The following C1orf21 variants were observed in gnomAD, a reference collection of about 807,000 sequenced individuals.
C1orf21 encodes uncharacterized protein C1orf21.
C1orf21 carries 3 observed loss-of-function variants against 18.7 expected under a neutral mutation model. That is an observed-to-expected ratio of 0.16 (90% confidence interval 0.07 to 0.42). C1orf21 has a LOEUF of 0.42. Among genes scored for constraint, C1orf21 ranks in the 10% least tolerant of loss-of-function variants. The probability of loss-of-function intolerance (pLI) is 0.99; values close to 1 mark genes in which losing one functional copy is unlikely to be tolerated. For synonymous variants in C1orf21, 41 were observed against 46.4 expected (o/e 0.88, Z 0.47); for missense variants, 104 against 143.6 (o/e 0.72, Z 1.41).
intron 3 of C1orf21, among the ~76,000 whole-genome samples, chr1:184,515,179 G>C (rs1362856482): frequency 6.6e-6 from 1 of 152,166 alleles, no homozygotes; most frequent in East Asian, 1.9e-4. Context: ...TAGTGGAGTT[G>C]GGTCAGGTGG....
chr1:184,427,923 G>A (rs1417252226), intron 1 of C1orf21, among the ~76,000 whole-genome samples: 2 of 152,102 alleles, frequency 1.3e-5, no homozygotes, highest in African/African-American at 4.8e-5. Context: ...ACTTAGGTAA[G>A]GGCCTTATGT....
At chr1:184,599,937 C>T (rs959155407) in intron 5 of C1orf21, among the ~76,000 whole-genome samples, 7 of 152,094 alleles carry the variant, frequency 4.6e-5, no homozygotes, top group Admixed American at 2.6e-4. Flanking sequence ...CACTTCTGGC[C>T]GCAGGCATTT....
intron 1 of C1orf21, among the ~76,000 whole-genome samples, chr1:184,416,426 T>A (rs1426451840): frequency 6.6e-6 from 1 of 152,180 alleles, no homozygotes; most frequent in African/African-American, 2.4e-5. Context: ...TTATTATATA[T>A]GTGCCTATGT....
chr1:184,502,501 C>CT lies in C1orf21; in HGVS notation c.95-5077dup, dbSNP rs555448341. The stretch of plus-strand genomic sequence containing the variant: ...AGCACCACCACAGGGCTTTTCATTT[C>CT]TTTTTTTTTTCGTTTGCTTGTTTAT... On this transcript the variant is annotated intron_variant, in intron 2 of 5. Coordinates refer to ENST00000235307, the MANE Select transcript of C1orf21 (RefSeq NM_030806.4). Among the ~76,000 whole-genome samples the CT allele has an allele frequency of 1.1e-3, 157 of 148,134 alleles. 2 individuals are homozygous for CT. Among genetic ancestry groups the CT allele is most frequent in the South Asian group, 6.7e-3 (31 of 4,616 alleles).
intron 1 of C1orf21, among the ~76,000 whole-genome samples, chr1:184,420,297 G>C (rs190752850): frequency 5.3e-5 from 8 of 151,666 alleles, no homozygotes; most frequent in Non-Finnish European, 7.4e-5. Flanking sequence ...TTACTTTTGT[G>C]GGGGGGTGGG....
At position 184,493,940 on chromosome 1, in the gene C1orf21, G is replaced by A. The variant is rs560913614; in HGVS notation, c.95-13648G>A. Among the ~76,000 whole-genome samples, 144 of 152,280 alleles carry A rather than the reference G, an allele frequency of 9.5e-4. 1 individual carries two copies. Among genetic ancestry groups the A allele is most frequent in the African/African-American group, 3.4e-3 (140 of 41,546 alleles). ...AAAGTTATTCATTTAAGAACTATTG[G>A]TTGAGCAAATACTATAAACTGGATT... On this transcript the variant is annotated intron_variant, in intron 2 of 5. Transcript: ENST00000235307.
At chr1:184,491,034 G>T (rs1048830979) in intron 2 of C1orf21, among the ~76,000 whole-genome samples, 2 of 152,006 alleles carry the variant, frequency 1.3e-5, no homozygotes, top group African/African-American at 4.8e-5. Context: ...CAAACTGATA[G>T]GTTCCTCATT....
intron 1 of C1orf21, among the ~76,000 whole-genome samples, chr1:184,406,870 CA>C (rs1194164461): frequency 6.6e-6 from 1 of 152,214 alleles, no homozygotes; most frequent in African/African-American, 2.4e-5. Context: ...TCACAGCTCA[CA>C]GCAGCCTCAA....
intron 3 of C1orf21, among the ~76,000 whole-genome samples, chr1:184,582,821 G>GT (rs1297425707): frequency 2.4e-4 from 36 of 151,956 alleles, no homozygotes; most frequent in Admixed American, 2.4e-3. Context: ...TTGAGGGAAT[G>GT]TTTTTTTGTT....
At chr1:184,405,464 G>C (rs940309655) in intron 1 of C1orf21, among the ~76,000 whole-genome samples, 1 of 152,086 alleles carries the variant, frequency 6.6e-6, no homozygotes, top group African/African-American at 2.4e-5. Flanking sequence ...CAAAGTGCTG[G>C]GGTTACAGGT....
chr1:184,620,167 T>C lies in C1orf21; in HGVS notation c.*611T>C, dbSNP rs1659894728. The C allele has an allele frequency of 6.6e-6, 1 of 152,512 alleles. No individual in the cohort carries two copies. Among genetic ancestry groups the C allele is most frequent in the African/African-American group, 2.4e-5 (1 of 41,404 alleles). 9.4% of individuals were successfully genotyped at this position (152,512 alleles called of 1,614,324 possible). On this transcript the variant is annotated 3_prime_UTR_variant, in exon 6 of 6. Transcript: ENST00000235307. ...GTGACTCCTGGAAGTGACGTAGGAG[T>C]GAGTGGCAGGTTGTTTGATTTAATA...
At chr1:184,417,584 G>C (rs944681396) in intron 1 of C1orf21, among the ~76,000 whole-genome samples, 1 of 152,186 alleles carries the variant, frequency 6.6e-6, no homozygotes, top group Non-Finnish European at 1.5e-5. Context: ...GGAATTCTTG[G>C]TGTTTGTGTG....
intron 1 of C1orf21, among the ~76,000 whole-genome samples, chr1:184,421,443 A>G (rs192753709): frequency 8.7e-4 from 133 of 152,358 alleles, no homozygotes; most frequent in Non-Finnish European, 6.0e-4. Flanking sequence ...AAAGTTGGCC[A>G]TGAGAAAAAT....
rs190606296 is a variant in C1orf21 at position 184,530,089 on chromosome 1, G to A, written c.189+22407G>A. Among the ~76,000 whole-genome samples, 4 of 152,238 alleles carry A rather than the reference G, an allele frequency of 2.6e-5. No homozygotes were observed. In the East Asian group the frequency reaches 7.7e-4, roughly 29 times the overall value. The stretch of plus-strand genomic sequence containing the variant: ...TTAATGCAATGCCTGGTACATAATA[G>A]GTCCTTTGCAAATAGTAGATGCTTT... On this transcript the variant is annotated intron_variant, in intron 3 of 5. Coordinates refer to ENST00000235307, the MANE Select transcript of C1orf21 (RefSeq NM_030806.4).
chr1:184,605,992 C>T (rs527795733), intron 5 of C1orf21, among the ~76,000 whole-genome samples: 15 of 152,310 alleles, frequency 9.8e-5, no homozygotes, highest in South Asian at 6.2e-4. Flanking sequence ...TGCCTTCCTA[C>T]GGTACAAATA....
chr1:184,544,043 G>A (rs1259822142), intron 3 of C1orf21, among the ~76,000 whole-genome samples: 3 of 152,044 alleles, frequency 2.0e-5, no homozygotes, highest in African/African-American at 2.4e-5. Context: ...GTTTGTTATC[G>A]AACTTCTGGT....
intron 5 of C1orf21, among the ~76,000 whole-genome samples, chr1:184,617,749 G>A (rs1274318112): frequency 1.3e-5 from 2 of 152,150 alleles, no homozygotes; most frequent in East Asian, 1.9e-4. Context: ...AGGGGTGGGA[G>A]TTAGCAATCT....
chr1:184,488,372 G>A (rs1158786849), intron 2 of C1orf21, among the ~76,000 whole-genome samples: 1 of 152,196 alleles, frequency 6.6e-6, no homozygotes, highest in Non-Finnish European at 1.5e-5. Context: ...ATCTATACAT[G>A]AGTGTGTGTG....
chr1:184,473,184 G>A (rs1443017435), intron 1 of C1orf21, among the ~76,000 whole-genome samples: 1 of 152,220 alleles, frequency 6.6e-6, no homozygotes, highest in Admixed American at 6.5e-5. Context: ...TTAAAGAAAA[G>A]TCATCCTCAG....
Sources: allele counts gnomAD v4.1 joint callset (sites outside exome capture counted in the v4.1 genomes callset), GRCh38; gene constraint gnomAD v4.1.1; transcripts MANE v1.5; gene names NCBI Gene and HGNC (gene_info 2026-07-23, HGNC 2026-07-21).